Variants in MED27 observed in about 807,000 individuals in gnomAD.
MED27 encodes the protein mediator complex subunit 27, also known as mediator of RNA polymerase II transcription subunit 27.
In MED27, 30 loss-of-function variants were observed where a neutral mutation model predicts 38.2. The ratio of observed to expected loss-of-function variants is 0.79; its 90% CI spans 0.59 to 1.07. The LOEUF (loss-of-function observed/expected upper bound fraction) is 1.07. Among genes scored for constraint, MED27 ranks in the 50% least tolerant of loss-of-function variants. MED27 has a pLI of 0.00. For missense variants in MED27, 289 were observed against 397.5 expected, an observed-to-expected ratio of 0.73 and a Z score of 2.32; for synonymous variants, 122 against 153.5, an observed-to-expected ratio of 0.79 and a Z score of 1.52.
At chr9:131,967,485 CT>C (rs560957988) in intron 3 of MED27, among the ~76,000 whole-genome samples, 1,502 of 141,036 alleles carry the variant, frequency 0.011, 12 homozygotes, top group African/African-American at 0.02. Context: ...TCTCATGAAT[CT>C]TTTTTTTTTT....
At chr9:131,907,487 C>T (rs567418087) in intron 4 of MED27, among the ~76,000 whole-genome samples, 203 of 152,338 alleles carry the variant, frequency 1.3e-3, no homozygotes, top group African/African-American at 4.4e-3. Context: ...ACCGAGGTGC[C>T]GGGATTGCAG....
rs1302012561 is a variant in MED27 at position 132,056,431 on chromosome 9, T to C, written c.348+21011A>G. Among the ~76,000 whole-genome samples the C allele has an allele frequency of 2.6e-5, 4 of 152,102 alleles. No individual in the cohort carries two copies. In the East Asian group the frequency reaches 7.7e-4, roughly 29 times the overall value. On this transcript the variant is annotated intron_variant, in intron 2 of 7. Coordinates refer to ENST00000292035, the MANE Select transcript of MED27 (RefSeq NM_004269.4). ...TAAAATGAGAATCGCTGGGTGAAAA[T>C]ACCACCAATTTCCAAGCAGGTACAA...
rs1008023242 is a variant in MED27 at position 131,917,364 on chromosome 9, C to T, written c.573+22017G>A. Among the ~76,000 whole-genome samples, 1 of 152,122 alleles carries T rather than the reference C, an allele frequency of 6.6e-6. No homozygotes were observed. The highest frequency in any genetic ancestry group is 2.4e-5 in the African/African-American group (1 of 41,414). ...CGGGTTATACAGACCATGTACACCA[C>T]CTATCCTAGAAAGGGGGGGCTTTAT... On this transcript the variant is annotated intron_variant, in intron 4 of 7. Coordinates refer to ENST00000292035, the MANE Select transcript of MED27 (RefSeq NM_004269.4). This position sits in a 1 kb window ranked among gnomAD's most constrained non-coding sequence, Gnocchi z 4.6.
intron 4 of MED27, among the ~76,000 whole-genome samples, chr9:131,904,056 T>C (rs1050789937): frequency 2.6e-5 from 4 of 151,984 alleles, no homozygotes; most frequent in East Asian, 1.9e-4. Context: ...GCAACCACCA[T>C]GCCTGGCTAA....
Position 132,079,817 on chromosome 9 carries a change from T to G in MED27, c.28A>C (p.Asn10His), listed in dbSNP as rs1177066293. Residue 10 changes from asparagine to histidine, a missense_variant, in exon 1 of 8, where the codon AAC becomes CAC. Asn to His is a moderately conservative substitution (Grantham distance 68). Coordinates refer to ENST00000292035, the MANE Select transcript of MED27 (RefSeq NM_004269.4). MADVINVSV[N>H]LEAFSQAISA... ...ATGGCCTGGGAAAAGGCCTCCAGGT[T>G]CACACTGACATTTATCACGTCCGCC... The G allele has an allele frequency of 1.9e-6, 3 of 1,608,418 alleles. No individual in the cohort carries two copies. The highest frequency in any genetic ancestry group is 2.5e-6 in the Non-Finnish European group (3 of 1,177,558).
chr9:131,990,335 C>T (rs1473987936), intron 3 of MED27, among the ~76,000 whole-genome samples: 1 of 152,238 alleles, frequency 6.6e-6, no homozygotes, highest in African/African-American at 2.4e-5. Context: ...CCTTCATCCT[C>T]TGTTTTACCT....
At chr9:132,064,345 A>C (rs751843365) in intron 2 of MED27, among the ~76,000 whole-genome samples, 12 of 152,204 alleles carry the variant, frequency 7.9e-5, no homozygotes, top group African/African-American at 1.2e-4. Context: ...GAGGAGATGT[A>C]AACAGACCCA....
chr9:131,875,190 C>A (rs1838908313), intron 6 of MED27, among the ~76,000 whole-genome samples: 1 of 152,172 alleles, frequency 6.6e-6, no homozygotes, highest in African/African-American at 2.4e-5. Flanking sequence ...TTCCTGGACC[C>A]AGGATCCTGC....
At position 132,011,634 on chromosome 9, in the gene MED27, T is replaced by A. The variant is rs528688644; in HGVS notation, c.479+2703A>T. 1.0e-3 allele frequency among the ~76,000 whole-genome samples: 154 copies of A among 152,194 alleles called. 2 individuals are homozygous for A. The highest frequency in any genetic ancestry group is 9.0e-3 in the Admixed American group (137 of 15,286). On this transcript the variant is annotated intron_variant, in intron 3 of 7. Transcript: ENST00000292035. ...GTAAGCTGTGATCATACCACTGCAC[T>A]CCAGCCTGGGTGACAGAGGAAAAAC...
At position 131,982,080 on chromosome 9, in the gene MED27, T is replaced by C. The variant is rs1324567475; in HGVS notation, c.479+32257A>G. Reference sequence around the variant, plus strand: ...CCACGTTGGTAGTCTGTTTCACTCATGGTCCCCGGTGGAACACTTCCCAGT... The same window carrying C: ...CCACGTTGGTAGTCTGTTTCACTCACGGTCCCCGGTGGAACACTTCCCAGT... On this transcript the variant is annotated intron_variant, in intron 3 of 7. Coordinates refer to ENST00000292035, the MANE Select transcript of MED27 (RefSeq NM_004269.4). The surrounding 1 kb of genome is among the most constrained non-coding windows in gnomAD (Gnocchi z 4.3). Among the ~76,000 whole-genome samples the C allele has an allele frequency of 6.6e-6, 1 of 152,236 alleles. No homozygotes were observed. Among genetic ancestry groups the C allele is most frequent in the Non-Finnish European group, 1.5e-5 (1 of 68,036 alleles).
At chr9:131,887,955 C>A (rs1403858803) in intron 5 of MED27, among the ~76,000 whole-genome samples, 1 of 152,120 alleles carries the variant, frequency 6.6e-6, no homozygotes, top group Non-Finnish European at 1.5e-5. Flanking sequence ...TTGCAGATGA[C>A]CAATTGCTTC....
intron 2 of MED27, among the ~76,000 whole-genome samples, chr9:132,036,235 T>C (rs1268155371): frequency 6.6e-6 from 1 of 152,162 alleles, no homozygotes; most frequent in Non-Finnish European, 1.5e-5. Flanking sequence ...TCAGGGTCTC[T>C]CTCTGTTGCC....
In MED27 at chr9:131,860,814, A is replaced by G. The variant is rs1838640149; in HGVS notation, c.802-142T>C. ...GCCCTGTGATTTCACAGGGAGCAGC[A>G]GGCGGAACCCACAAGGTCACCTGAC... On this transcript the variant is annotated intron_variant, in intron 7 of 7. Coordinates refer to ENST00000292035, the MANE Select transcript of MED27 (RefSeq NM_004269.4). The surrounding 1 kb of genome is among the most constrained non-coding windows in gnomAD (Gnocchi z 5.8). The G allele has an allele frequency of 2.2e-6, 2 of 916,104 alleles. No homozygotes were observed. Among genetic ancestry groups the G allele is most frequent in the Admixed American group, 2.5e-5 (1 of 40,338 alleles). 56.7% of individuals were successfully genotyped at this position (916,104 alleles called of 1,614,324 possible).
intron 4 of MED27, among the ~76,000 whole-genome samples, chr9:131,920,726 T>G (rs1830375438): frequency 6.7e-6 from 1 of 149,290 alleles, no homozygotes; most frequent in Admixed American, 6.7e-5. Context: ...CTAGGAGGAA[T>G]GGGGGCCTGG....
Position 132,073,787 on chromosome 9 carries a change from A to G in MED27, c.348+3655T>C, listed in dbSNP as rs1833991815. The G allele has an allele frequency of 6.7e-6, 10 of 1,501,704 alleles. No homozygotes were observed. The East Asian group carries it at 7.4e-5, about 11-fold the overall frequency. The allele number at this position is 1,501,704 out of a possible 1,614,324, so 93.0% of individuals were successfully genotyped here. A position where few individuals can be genotyped will look rare whatever the true frequency, so the allele number is the denominator to read the frequency against. ...AAACGTGAAAAAAAAAAAAGGTAGC[A>G]GCAGCACCTCGCTCTGGGCCCATTT... On this transcript the variant is annotated intron_variant, in intron 2 of 7. Transcript: ENST00000292035.
At chr9:131,949,515 C>T (rs746839554) in intron 3 of MED27, among the ~76,000 whole-genome samples, 1 of 152,190 alleles carries the variant, frequency 6.6e-6, no homozygotes, top group Admixed American at 6.5e-5. Flanking sequence ...CCAGAATCCA[C>T]GTCTCTGGAT....
chr9:132,034,701 A>C (rs1024669960), intron 2 of MED27, among the ~76,000 whole-genome samples: 1 of 152,124 alleles, frequency 6.6e-6, no homozygotes, highest in Admixed American at 6.5e-5. Context: ...CCTGGCACCC[A>C]GGGGGTTCAG....
chr9:132,047,053 G>GGT (rs1205158541), intron 2 of MED27, among the ~76,000 whole-genome samples: 1 of 151,982 alleles, frequency 6.6e-6, no homozygotes, highest in East Asian at 1.9e-4. Flanking sequence ...GAGCGTATGT[G>GGT]GTGTGTGTGT....
chr9:132,034,845 C>T (rs1833040932), intron 2 of MED27, among the ~76,000 whole-genome samples: 2 of 152,150 alleles, frequency 1.3e-5, no homozygotes, highest in African/African-American at 4.8e-5. Flanking sequence ...CAAATTGTTA[C>T]GTGTAAAAAG....
Sources: gnomAD v4.1 joint callset for allele counts (sites outside exome capture counted in the v4.1 genomes callset) on GRCh38, gnomAD v4.1.1 for gene constraint, Gnocchi (gnomAD v3.1) non-coding constraint, MANE v1.5 for transcripts, NCBI Gene and HGNC (gene_info 2026-07-23, HGNC 2026-07-21) for gene names.